Variants in ESRRB observed in about 807,000 individuals in gnomAD.
ESRRB encodes the protein steroid hormone receptor ERR2.
A neutral mutation model predicts 46.0 loss-of-function variants in ESRRB; 16 were observed. The observed-to-expected ratio is 0.35, with a 90% confidence interval of 0.24 to 0.53. ESRRB has a LOEUF of 0.53. Among genes scored for constraint, ESRRB ranks in the 20% least tolerant of loss-of-function variants. The pLI is 0.93. For missense variants in ESRRB, 488 were observed against 607.4 expected (o/e 0.80, Z 2.07); for synonymous variants, 246 against 259.6 (o/e 0.95, Z 0.50).
At chr14:76,429,871 GTAAT>G (rs1887365369) in intron 1 of ESRRB, among the ~76,000 whole-genome samples, 1 of 152,070 alleles carries the variant, frequency 6.6e-6, no homozygotes, top group South Asian at 2.1e-4. Flanking sequence ...GTGTGTGTGT[GTAAT>G]TAATGGATCT....
intron 3 of ESRRB, among the ~76,000 whole-genome samples, chr14:76,478,813 C>T (rs1168874226): frequency 1.3e-5 from 2 of 152,024 alleles, no homozygotes; most frequent in Non-Finnish European, 2.9e-5. Context: ...GGGAACTTTT[C>T]CCAAAAGACT....
At chr14:76,432,260 T>A (rs1244402424) in intron 1 of ESRRB, among the ~76,000 whole-genome samples, 1 of 152,208 alleles carries the variant, frequency 6.6e-6, no homozygotes, top group Non-Finnish European at 1.5e-5. Context: ...CATCCAGCAG[T>A]GCTGGGACAG....
intron 3 of ESRRB, among the ~76,000 whole-genome samples, chr14:76,479,110 G>C (rs1406968675): frequency 1.3e-5 from 2 of 152,112 alleles, no homozygotes; most frequent in African/African-American, 4.8e-5. Context: ...AGATTTTGAG[G>C]CATCTAACAA....
At position 76,354,220 on chromosome 14, in the gene ESRRB, AC is replaced by A. The variant is rs1431949106; in HGVS notation, c.2+43307del. On this transcript the variant is annotated intron_variant, in intron 1 of 6. Transcript: ENST00000512784. ...CCTTCCTTGGCCCCCAGGGTCCTCT[AC>A]CCGCCCCCCCCCCCACCCACACTTC... is the stretch of plus-strand genomic sequence containing the variant. 2.5e-4 allele frequency among the ~76,000 whole-genome samples: 7 copies of A among 28,290 alleles called. 1 individual carries two copies. Among genetic ancestry groups the A allele is most frequent in the African/African-American group, 2.2e-3 (7 of 3,164 alleles). The allele number at this position is 28,290 out of a possible 152,430, so 18.6% of individuals were successfully genotyped here.
At chr14:76,444,665 G>A (rs1888057218) in intron 2 of ESRRB, among the ~76,000 whole-genome samples, 1 of 152,122 alleles carries the variant, frequency 6.6e-6, no homozygotes, top group South Asian at 2.1e-4. Context: ...AGGATTAGAG[G>A]GAGGAGCCAC....
chr14:76,433,787 C>T (rs1355956622), intron 1 of ESRRB, among the ~76,000 whole-genome samples: 1 of 152,014 alleles, frequency 6.6e-6, no homozygotes, highest in African/African-American at 2.4e-5. Flanking sequence ...GGGATACTTG[C>T]CCCTTCTCAC....
At chr14:76,397,592 G>A (rs1885746431) in intron 1 of ESRRB, among the ~76,000 whole-genome samples, 1 of 152,086 alleles carries the variant, frequency 6.6e-6, no homozygotes, top group Non-Finnish European at 1.5e-5. Flanking sequence ...ACAAAATTTG[G>A]GCAAAAATTG....
chr14:76,401,131 A>G (rs2139840391), intron 1 of ESRRB, among the ~76,000 whole-genome samples: 1 of 152,362 alleles, frequency 6.6e-6, no homozygotes, highest in African/African-American at 2.4e-5. Context: ...GGCACTAAAC[A>G]TCCTGTGTCA....
In ESRRB at chr14:76,400,558, G is replaced by A. The variant is rs147152230; in HGVS notation, c.50+24107G>A. ...CTTGTACTAGGTTGCCTTTTCCCAC[G>A]TTTTATGTTCTCACTTGACAAATAG... On this transcript the variant is annotated intron_variant, in intron 1 of 6. Transcript: ENST00000644823. Among the ~76,000 whole-genome samples the A allele has an allele frequency of 4.0e-3, 614 of 152,232 alleles. 4 individuals are homozygous for A. The highest frequency in any genetic ancestry group is 0.014 in the African/African-American group (591 of 41,528).
chr14:76,421,258 A>T (rs886771654), intron 1 of ESRRB, among the ~76,000 whole-genome samples: 2 of 152,110 alleles, frequency 1.3e-5, no homozygotes, highest in African/African-American at 4.8e-5. Context: ...AGTGGTTAAA[A>T]TCCCATACAT....
At position 76,469,879 on chromosome 14, in the gene ESRRB, T is replaced by C. The variant is rs553528057; in HGVS notation, c.577+7218T>C. Among the ~76,000 whole-genome samples, 59 of 150,012 alleles carry C rather than the reference T, an allele frequency of 3.9e-4. No homozygotes were observed. In the South Asian group the frequency reaches 0.012, roughly 31 times the overall value. ...AGTAAACATTGAATAGATCCAGAAA[T>C]ACACTTATAATATAGTACATTAGGT... is the stretch of plus-strand genomic sequence containing the variant. On this transcript the variant is annotated intron_variant, in intron 3 of 6. Transcript: ENST00000644823.
chr14:76,462,636 C>T lies in ESRRB; in HGVS notation c.552C>T (p.Cys184=), dbSNP rs764591492. The T allele has an allele frequency of 2.5e-6, 4 of 1,613,644 alleles. No individual in the cohort carries two copies. Among genetic ancestry groups the T allele is most frequent in the Admixed American group, 1.7e-5 (1 of 60,000 alleles). ...KSCQACRFMK[C]LKVGMLKEGV... ...GCCAGGCCTGCCGCTTCATGAAATG[C>T]CTCAAAGTGGGGATGCTGAAGGAAG... The change falls in exon 3 of 7, where the codon TGC becomes TGT. Residue 184 remains cysteine (C), a synonymous_variant. Coordinates refer to ENST00000644823, the MANE Select transcript of ESRRB (RefSeq NM_001379180.1).
chr14:76,463,445 G>GTTTTTTTTGTTTTGTTTTTTTTTT (rs1362309981), intron 3 of ESRRB: 10 of 114,736 alleles, frequency 8.7e-5, no homozygotes, highest in African/African-American at 3.7e-4. Context: ...ATGCTTCTTT[G>GTTTTTTTTGTTTTGTTTTTTTTTT]TTTTTTTTTT....
upstream of ESRRB, among the ~76,000 whole-genome samples, chr14:76,369,139 G>T (rs939966296): frequency 6.7e-6 from 1 of 150,142 alleles, no homozygotes; most frequent in Non-Finnish European, 1.5e-5. Context: ...AGAGGTTGCA[G>T]TGAGCTGAGA....
At chr14:76,411,819 T>C (rs1886455896) in intron 1 of ESRRB, among the ~76,000 whole-genome samples, 1 of 152,196 alleles carries the variant, frequency 6.6e-6, no homozygotes, top group Non-Finnish European at 1.5e-5. Flanking sequence ...ACATTGCTCA[T>C]CTGCTCTGTG....
intron 6 of ESRRB, among the ~76,000 whole-genome samples, chr14:76,494,864 C>A (rs1282169858): frequency 1.3e-5 from 2 of 152,258 alleles, no homozygotes; most frequent in East Asian, 3.9e-4. Flanking sequence ...CTATTCTGGG[C>A]TCTCCTAACT....
rs572455340 is a variant in ESRRB, at chr14:76,390,743, G to A, written c.50+14292G>A. Among the ~76,000 whole-genome samples, 8 of 152,322 alleles carry A rather than the reference G, an allele frequency of 5.3e-5. No individual in the cohort carries two copies. The South Asian group carries it at 1.2e-3, about 24-fold the overall frequency. ...CGTAGGGTTTAACTTGAGGAGCTAA[G>A]TGCGGGAAGTAAAAACCATGAATTT... is the stretch of plus-strand genomic sequence containing the variant. On this transcript the variant is annotated intron_variant, in intron 1 of 6. Transcript: ENST00000644823.
intron 1 of ESRRB, among the ~76,000 whole-genome samples, chr14:76,342,464 A>C (rs61402077): frequency 6.6e-6 from 1 of 152,338 alleles, no homozygotes; most frequent in African/African-American, 2.4e-5. Flanking sequence ...GATTACAGTA[A>C]GGGCATTCTT....
At chr14:76,313,749 C>T (rs938990260) in intron 1 of ESRRB, among the ~76,000 whole-genome samples, 1 of 152,216 alleles carries the variant, frequency 6.6e-6, no homozygotes, top group African/African-American at 2.4e-5. Context: ...GTATATCTGT[C>T]CATCTTTTTC....
Sources: allele counts gnomAD v4.1 joint callset (sites outside exome capture counted in the v4.1 genomes callset), GRCh38; gene constraint gnomAD v4.1.1; transcripts MANE v1.5; gene names NCBI Gene and HGNC (gene_info 2026-07-23, HGNC 2026-07-21).